The following MSI2 variants were observed in gnomAD, a reference collection of about 807,000 sequenced individuals.
The protein encoded by MSI2 is musashi RNA binding protein 2, also known as RNA-binding protein Musashi homolog 2.
MSI2 carries 17 observed loss-of-function variants against 45.6 expected under a neutral mutation model. The ratio of observed to expected loss-of-function variants is 0.37; its 90% confidence interval spans 0.26 to 0.56. The LOEUF (loss-of-function observed/expected upper bound fraction) is 0.56. Among genes scored for constraint, MSI2 ranks in the 20% least tolerant of loss-of-function variants. The probability of loss-of-function intolerance (pLI) is 0.77; values close to 1 mark genes in which losing one functional copy is unlikely to be tolerated. For missense variants in MSI2, 293 were observed against 444.2 expected (o/e 0.66, Z 3.06); for synonymous variants, 156 against 158.2 (o/e 0.99, Z 0.11).
At chr17:57,624,613 G>C (rs1014754407) in intron 9 of MSI2, among the ~76,000 whole-genome samples, 1 of 152,160 alleles carries the variant, frequency 6.6e-6, no homozygotes, top group Non-Finnish European at 1.5e-5. Context: ...GCTTGGGCAG[G>C]CTTCTGTCAA....
the MSI2 span, among the ~76,000 whole-genome samples, chr17:57,697,555 A>C: frequency 6.6e-6 from 1 of 152,080 alleles, no homozygotes; most frequent in East Asian, 1.9e-4. Context: ...CACTCGGTGT[A>C]TTAGTCCATT....
chr17:57,450,730 TC>T (rs2085003256), intron 6 of MSI2, among the ~76,000 whole-genome samples: 1 of 147,958 alleles, frequency 6.8e-6, no homozygotes, highest in African/African-American at 2.5e-5. Flanking sequence ...CTTGTACAAT[TC>T]CGTCCCCCCT....
At chr17:57,279,924 G>A (rs1282941916) in intron 5 of MSI2, 3 of 152,208 alleles carry the variant, frequency 2.0e-5, no homozygotes, top group Admixed American at 2.0e-4. Context: ...TGGGACTACA[G>A]GCGTGAGCCA....
In MSI2 at chr17:57,552,070, T is replaced by C. The variant is rs1764623103; in HGVS notation, c.454+22346T>C. Among the ~76,000 whole-genome samples the C allele has an allele frequency of 6.6e-6, 1 of 152,166 alleles. No homozygotes were observed. Among genetic ancestry groups the C allele is most frequent in the Non-Finnish European group, 1.5e-5 (1 of 68,036 alleles). Reference sequence around the variant, plus strand: ...GTGCTGGACCTAGAGCCCCTCGTCCTGGGGCTCAAGGACCCAGCTCATGTG... The same window carrying C: ...GTGCTGGACCTAGAGCCCCTCGTCCCGGGGCTCAAGGACCCAGCTCATGTG... On this transcript the variant is annotated intron_variant, in intron 7 of 13. Transcript: ENST00000284073. This position sits in a 1 kb window ranked among gnomAD's most constrained non-coding sequence, Gnocchi z 4.3.
downstream of MSI2, among the ~76,000 whole-genome samples, chr17:57,687,293 A>G (rs974112067): frequency 8.0e-5 from 7 of 87,712 alleles, no homozygotes; most frequent in Admixed American, 3.8e-4. Context: ...AATAGCAACC[A>G]AAAAAACTAG....
rs1334223521 is a variant in MSI2 at position 57,529,115 on chromosome 17, A to G, written c.406-561A>G. ...TATATGATTTAAACTATATTGAAAT[A>G]GTCATAGTTTTTTCTTTCTTTAGAA... On this transcript the variant is annotated intron_variant, in intron 6 of 13. Coordinates refer to ENST00000284073, the MANE Select transcript of MSI2 (RefSeq NM_138962.4). The surrounding 1 kb of genome is among the most constrained non-coding windows in gnomAD (Gnocchi z 5.3). Among the ~76,000 whole-genome samples, 1 of 152,174 alleles carries G rather than the reference A, an allele frequency of 6.6e-6. No homozygotes were observed. Among genetic ancestry groups the G allele is most frequent in the Non-Finnish European group, 1.5e-5 (1 of 68,028 alleles).
chr17:57,345,385 C>T (rs950800848), intron 5 of MSI2, among the ~76,000 whole-genome samples: 1 of 152,184 alleles, frequency 6.6e-6, no homozygotes, highest in Non-Finnish European at 1.5e-5. Flanking sequence ...TTTCCCAACC[C>T]CTGAGAGGTA....
intron 11 of MSI2, among the ~76,000 whole-genome samples, chr17:57,656,019 G>C (rs1911562720): frequency 6.6e-6 from 1 of 152,170 alleles, no homozygotes; most frequent in Admixed American, 6.5e-5. Context: ...CACCGTAGTA[G>C]ATGTACTGGT....
chr17:57,673,285 C>T (rs1390695214), intron 11 of MSI2, among the ~76,000 whole-genome samples: 4 of 152,214 alleles, frequency 2.6e-5, no homozygotes, highest in Non-Finnish European at 5.9e-5. Flanking sequence ...AACTGAGGGC[C>T]TCAAATCACA....
At chr17:57,444,974 T>TC (rs1401228750) in intron 6 of MSI2, among the ~76,000 whole-genome samples, 1 of 152,244 alleles carries the variant, frequency 6.6e-6, no homozygotes, top group African/African-American at 2.4e-5. Context: ...GGGGCATAGT[T>TC]CCCCTTTTCT....
chr17:57,682,217 A>G lies in MSI2; in HGVS notation c.*2700A>G, dbSNP rs952608100. On this transcript the variant is annotated 3_prime_UTR_variant, in exon 14 of 14. Coordinates refer to ENST00000284073, the MANE Select transcript of MSI2 (RefSeq NM_138962.4). ...TTTTTTCCTTTAATTATTTTTTTCA[A>G]TTTCAAGTTTAATTTTATTTTAGCT... The G allele has an allele frequency of 8.9e-5, 17 of 191,194 alleles. No individual in the cohort carries two copies. The highest frequency in any genetic ancestry group is 3.9e-4 in the South Asian group (2 of 5,156). The allele number at this position is 191,194 out of a possible 1,614,324, so 11.8% of individuals were successfully genotyped here.
chr17:57,375,369 C>T (rs978247447), intron 5 of MSI2, among the ~76,000 whole-genome samples: 2 of 152,138 alleles, frequency 1.3e-5, no homozygotes, highest in Non-Finnish European at 2.9e-5. Flanking sequence ...AGCCAGGAGC[C>T]GAGGAGAGGA....
intron 10 of MSI2, chr17:57,632,315 C>T (rs1909458476): frequency 2.8e-6 from 3 of 1,068,918 alleles, no homozygotes; most frequent in South Asian, 4.5e-5. Context: ...CACACAGAGA[C>T]AGACTATTCT....
intron 7 of MSI2, among the ~76,000 whole-genome samples, chr17:57,556,631 T>G (rs190764381): frequency 3.9e-5 from 6 of 152,294 alleles, no homozygotes; most frequent in African/African-American, 1.2e-4. Context: ...GTGGACTGAT[T>G]GGCTGGTTGG....
chr17:57,682,211 T>G lies in MSI2; in HGVS notation c.*2694T>G, dbSNP rs1161972732. 1 of 192,634 alleles carries G rather than the reference T, an allele frequency of 5.2e-6. No individual in the cohort carries two copies. The highest frequency in any genetic ancestry group is 1.1e-5 in the Non-Finnish European group (1 of 92,358). 11.9% of individuals were successfully genotyped at this position (192,634 alleles called of 1,614,324 possible). ...GGGCAGTTTTTTCCTTTAATTATTT[T>G]TTTCAATTTCAAGTTTAATTTTATT... is the stretch of plus-strand genomic sequence containing the variant. On this transcript the variant is annotated 3_prime_UTR_variant, in exon 14 of 14. Transcript: ENST00000284073.
chr17:57,616,433 G>C (rs1361417157), intron 9 of MSI2: 1 of 166,674 alleles, frequency 6.0e-6, no homozygotes, highest in Non-Finnish European at 1.3e-5. Context: ...ATCTGAGTGG[G>C]AGTTCTTAAG....
At chr17:57,589,071 T>A (rs1164066312) in intron 7 of MSI2, among the ~76,000 whole-genome samples, 5 of 152,170 alleles carry the variant, frequency 3.3e-5, no homozygotes. Context: ...GGGAAGCAGA[T>A]GCGAGTTGTA....
chr17:57,676,271 C>T (rs1003153323), intron 12 of MSI2, among the ~76,000 whole-genome samples: 9 of 152,190 alleles, frequency 5.9e-5, no homozygotes, highest in East Asian at 3.9e-4. Context: ...TGCACGCACA[C>T]GCACGCACAC....
chr17:57,262,092 T>C, intron 4 of MSI2, 59 bp from the exon 5 acceptor site: 2 of 1,519,130 alleles, frequency 1.3e-6, no homozygotes, highest in Non-Finnish European at 1.8e-6. Flanking sequence ...AGGTGATTAA[T>C]CATATATTTT....
Sources: allele counts gnomAD v4.1 joint callset (sites outside exome capture counted in the v4.1 genomes callset), GRCh38; gene constraint gnomAD v4.1.1; non-coding constraint Gnocchi (gnomAD v3.1); transcripts MANE v1.5; gene names NCBI Gene and HGNC (gene_info 2026-07-23, HGNC 2026-07-21).